The following C2CD2 variants were observed in gnomAD, a reference collection of about 807,000 sequenced individuals.
The protein encoded by C2CD2 is C2 domain-containing protein 2.
C2CD2 carries 43 observed loss-of-function variants against 74.3 expected under a neutral mutation model. That is an observed-to-expected ratio of 0.58 (90% CI 0.45 to 0.75). C2CD2 has a LOEUF of 0.75. Among genes scored for constraint, C2CD2 ranks in the 30% least tolerant of loss-of-function variants. The pLI is 0.00. For synonymous variants in C2CD2, 422 were observed against 390.7 expected, an observed-to-expected ratio of 1.08 and a Z score of -0.94; for missense variants, 801 against 916.3, an observed-to-expected ratio of 0.87 and a Z score of 1.63.
chr21:41,925,721 G>A (rs2065203709), intron 2 of C2CD2, among the ~76,000 whole-genome samples: 1 of 152,206 alleles, frequency 6.6e-6, no homozygotes, highest in African/African-American at 2.4e-5. Flanking sequence ...GCCAACAGTG[G>A]CAGGGCCCCC....
In C2CD2 at chr21:41,932,036, TCAAGCATCCCACCA is replaced by T. The variant is rs2065267017; in HGVS notation, c.379-9965_379-9952del. 5.4e-5 allele frequency among the ~76,000 whole-genome samples: 6 copies of T among 110,304 alleles called. 2 individuals carry two copies. Among genetic ancestry groups the T allele is most frequent in the Non-Finnish European group, 9.6e-5 (5 of 52,106 alleles). 72.4% of individuals were successfully genotyped at this position (110,304 alleles called of 152,430 possible). ...ACCTCCAGCATCCCACCACCCCACCTCAAGCATCCCACCACCCCACCTCCAGCATCCCACCACTC... is the reference window on the plus strand; with the variant it reads ...ACCTCCAGCATCCCACCACCCCACCTCCCCACCTCCAGCATCCCACCACTC... On this transcript the variant is annotated intron_variant, in intron 2 of 13. Transcript: ENST00000380486.
intron 10 of C2CD2, 30 bp from the exon 11 acceptor site, chr21:41,905,867 C>T (rs368164706): frequency 3.2e-5 from 40 of 1,238,034 alleles, no homozygotes; most frequent in Admixed American, 1.3e-4. Context: ...ATTACAAAAG[C>T]GGCCCCGTGG....
At chr21:41,916,577 A>T (rs1350268272) in intron 5 of C2CD2, among the ~76,000 whole-genome samples, 1 of 151,940 alleles carries the variant, frequency 6.6e-6, no homozygotes, top group Non-Finnish European at 1.5e-5. Context: ...GACTCGAACT[A>T]GAATTACCCC....
intron 11 of C2CD2, among the ~76,000 whole-genome samples, chr21:41,902,882 G>A (rs1169375319): frequency 6.6e-6 from 1 of 152,090 alleles, no homozygotes; most frequent in Non-Finnish European, 1.5e-5. Flanking sequence ...CCGAGTGAAT[G>A]CTAATGAGGA....
At chr21:41,901,460 A>G (rs1192382422) in intron 12 of C2CD2, 162 bp downstream of exon 12, 1 of 750,288 alleles carries the variant, frequency 1.3e-6, no homozygotes, top group Non-Finnish European at 2.4e-6. Context: ...ACACAACACC[A>G]CACATGACTC....
chr21:41,938,616 C>T (rs2065328766), intron 2 of C2CD2, among the ~76,000 whole-genome samples: 1 of 152,180 alleles, frequency 6.6e-6, no homozygotes, highest in African/African-American at 2.4e-5. Flanking sequence ...AATCAGGCTA[C>T]TCTAGGGACC....
chr21:41,926,430 G>T lies in C2CD2; in HGVS notation c.379-4345C>A. The T allele has an allele frequency of 1.0e-6, 1 of 982,022 alleles. No homozygotes were observed. The allele number at this position is 982,022 out of a possible 1,614,324, so 60.8% of individuals were successfully genotyped here. ...TTGGCAGGTGAGGGTTTGGGTCGGG[G>T]AGCCCTGGGCAGCAGATGGAAGCAC... On this transcript the variant is annotated intron_variant, in intron 2 of 13. Transcript: ENST00000380486. The surrounding 1 kb of genome is among the most constrained non-coding windows in gnomAD (Gnocchi z 8.0).
chr21:41,937,150 C>T (rs1212252746), intron 2 of C2CD2, among the ~76,000 whole-genome samples: 4 of 150,176 alleles, frequency 2.7e-5, no homozygotes, highest in Non-Finnish European at 5.9e-5. Flanking sequence ...CGGCATCTCA[C>T]TCTGTTACCC....
intron 2 of C2CD2, 75 bp from the exon 3 acceptor site, chr21:41,922,160 CTTCTT>C: frequency 3.2e-5 from 23 of 726,156 alleles, no homozygotes; most frequent in South Asian, 7.1e-5. Flanking sequence ...TCTTCTTCTT[CTTCTT>C]TTTTTTTTTT....
chr21:41,905,728 G>C lies in C2CD2; in HGVS notation c.1428C>G (p.Asp476Glu). ...ACGTGGGCGTGTCTCAGTTACCTGT[G>C]TCTGAAGAAGAGAGTGTTTTGCTGA... ...APVSKTLSSS[D>E]TELLVLNGSD... The change falls in exon 11 of 14, where the codon GAC (aspartate) becomes GAG (glutamate). Residue 476 changes from aspartate to glutamate, a missense_variant. Transcript: ENST00000380486. 6.4e-7 allele frequency: 1 copy of C among 1,573,418 alleles called. No homozygotes were observed. Among genetic ancestry groups the C allele is most frequent in the South Asian group, 1.1e-5 (1 of 89,774 alleles).
chr21:41,907,529 C>A, intron 9 of C2CD2, 131 bp downstream of exon 9: 1 of 978,444 alleles, frequency 1.0e-6, no homozygotes, highest in South Asian at 1.7e-5. Context: ...TACGATGAAA[C>A]AGCATCTCCT....
At chr21:41,911,985 A>C (rs960386962) in intron 7 of C2CD2, among the ~76,000 whole-genome samples, 1 of 152,262 alleles carries the variant, frequency 6.6e-6, no homozygotes, top group Admixed American at 6.5e-5. Flanking sequence ...TACAGGCATG[A>C]GCCTCTGCAC....
At chr21:41,948,642 C>T (rs79302420) in intron 1 of C2CD2, among the ~76,000 whole-genome samples, 2 of 152,112 alleles carry the variant, frequency 1.3e-5, no homozygotes, top group Non-Finnish European at 2.9e-5. Context: ...GAGGGAAGGG[C>T]AGCTCCATGG....
chr21:41,933,736 C>T lies in C2CD2; in HGVS notation c.378+8411G>A, dbSNP rs112597375. On this transcript the variant is annotated intron_variant, in intron 2 of 13. Transcript: ENST00000380486. ...TGCATAGGATCCAGGCTGGCAAGAG[C>T]GACCAGGCTCCTCCTCCCGCACTCA... 9.3e-3 allele frequency among the ~76,000 whole-genome samples: 1,416 copies of T among 152,290 alleles called. 9 individuals are homozygous for T. Among genetic ancestry groups the T allele is most frequent in the Non-Finnish European group, 0.013 (892 of 68,008 alleles).
At chr21:41,894,531 TGGGC>T (rs771755415) in intron 13 of C2CD2, 36 of 407,352 alleles carry the variant, frequency 8.8e-5, no homozygotes, top group South Asian at 1.6e-4. Context: ...TCTAGAAAAA[TGGGC>T]AAGTCTGTGG....
At chr21:41,921,716 T>C (rs1419306506) in intron 3 of C2CD2, among the ~76,000 whole-genome samples, 2 of 152,094 alleles carry the variant, frequency 1.3e-5, no homozygotes, top group Non-Finnish European at 2.9e-5. Flanking sequence ...CTCATTCAAA[T>C]GCCCGAAAGA....
rs2064691936 is a variant in C2CD2, at chr21:41,886,994, A to G, written c.*2130T>C. The G allele has an allele frequency of 6.6e-6, 1 of 152,220 alleles. No homozygotes were observed. The highest frequency in any genetic ancestry group is 2.4e-5 in the African/African-American group (1 of 41,464). The allele number at this position is 152,220 out of a possible 1,614,324, so 9.4% of individuals were successfully genotyped here. On this transcript the variant is annotated 3_prime_UTR_variant, in exon 14 of 14. Transcript: ENST00000380486. ...TCGAAAAAAAAATTTTTTAAATAAA[A>G]AAAAACTTCTGATATCCTTGCACTT...
intron 13 of C2CD2, among the ~76,000 whole-genome samples, chr21:41,898,524 T>A (rs2064850663): frequency 6.6e-6 from 1 of 152,240 alleles, no homozygotes; most frequent in African/African-American, 2.4e-5. Context: ...AATGAAATGA[T>A]CACCTCCTCA....
rs912005461 is a variant in C2CD2 at position 41,895,798 on chromosome 21, G to C, written c.1870+3255C>G. 6.6e-6 allele frequency among the ~76,000 whole-genome samples: 1 copy of C among 151,962 alleles called. No homozygotes were observed. Among genetic ancestry groups the C allele is most frequent in the Non-Finnish European group, 1.5e-5 (1 of 68,006 alleles). On this transcript the variant is annotated intron_variant, in intron 13 of 13. Transcript: ENST00000380486. The surrounding 1 kb of genome is among the most constrained non-coding windows in gnomAD (Gnocchi z 5.0). ...ACATAAATAGCGAATTGAAGGTTCT[G>C]TCTTAAAACCCAGCAGAAAGAAAAA...
Sources: allele counts gnomAD v4.1 joint callset (sites outside exome capture counted in the v4.1 genomes callset), GRCh38; gene constraint gnomAD v4.1.1; non-coding constraint Gnocchi (gnomAD v3.1); transcripts MANE v1.5; gene names NCBI Gene and HGNC (gene_info 2026-07-23, HGNC 2026-07-21).